ZNF804B: variants seen among roughly 807,000 people sequenced by gnomAD.
The protein encoded by ZNF804B is zinc finger 804B.
In ZNF804B, 80 loss-of-function variants were observed where a neutral mutation model predicts 101.4. That is an observed-to-expected ratio of 0.79 (90% CI 0.66 to 0.95). The LOEUF (loss-of-function observed/expected upper bound fraction) is 0.95. Among genes scored for constraint, ZNF804B ranks in the 40% least tolerant of loss-of-function variants. The probability of loss-of-function intolerance (pLI) is 0.00; values close to 1 mark genes in which losing one functional copy is unlikely to be tolerated. For synonymous variants in ZNF804B, 622 were observed against 558.8 expected (o/e 1.11, Z -1.59); for missense variants, 1,673 against 1,561.9 (o/e 1.07, Z -1.20).
intron 1 of ZNF804B, among the ~76,000 whole-genome samples, chr7:89,020,498 T>C (rs1788650030): frequency 6.6e-6 from 1 of 152,164 alleles, no homozygotes; most frequent in Admixed American, 6.5e-5. Context: ...ATTATTTGTT[T>C]ATCTTTGACT....
intron 1 of ZNF804B, among the ~76,000 whole-genome samples, chr7:89,051,096 A>C (rs1302838308): frequency 6.6e-6 from 1 of 152,056 alleles, no homozygotes; most frequent in Non-Finnish European, 1.5e-5. Flanking sequence ...CAATGTTTTC[A>C]ACTATTCATT....
intron 1 of ZNF804B, among the ~76,000 whole-genome samples, chr7:89,098,242 A>G (rs1318812017): frequency 2.6e-5 from 4 of 151,608 alleles, no homozygotes; most frequent in African/African-American, 7.3e-5. Flanking sequence ...ATCCTTACAA[A>G]TTCAGTGCAA....
intron 1 of ZNF804B, among the ~76,000 whole-genome samples, chr7:89,155,089 GTA>G (rs1211451766): frequency 6.6e-6 from 1 of 152,048 alleles, no homozygotes; most frequent in African/African-American, 2.4e-5. Flanking sequence ...ATATCTTATT[GTA>G]TGTTTCTTCT....
chr7:88,923,628 AT>A (rs1231339734), intron 1 of ZNF804B, among the ~76,000 whole-genome samples: 5 of 152,094 alleles, frequency 3.3e-5, no homozygotes, highest in Non-Finnish European at 7.4e-5. Context: ...TTTAGTGCAA[AT>A]GTCTCTCAAA....
intron 2 of ZNF804B, among the ~76,000 whole-genome samples, chr7:89,253,922 G>A (rs192376722): frequency 6.6e-6 from 1 of 152,148 alleles, no homozygotes; most frequent in Admixed American, 6.5e-5. Flanking sequence ...TTTAGATGGA[G>A]GGGAAAAATT....
At chr7:88,959,810 A>G (rs1008642043) in intron 1 of ZNF804B, among the ~76,000 whole-genome samples, 4 of 151,466 alleles carry the variant, frequency 2.6e-5, no homozygotes, top group African/African-American at 9.7e-5. Context: ...TTAAAATGTC[A>G]TATTAGCTAC....
intron 1 of ZNF804B, among the ~76,000 whole-genome samples, chr7:88,961,787 A>G (rs1793388759): frequency 6.6e-6 from 1 of 151,388 alleles, no homozygotes; most frequent in South Asian, 2.1e-4. Context: ...TTGCTCAGCA[A>G]TTTACACCAG....
At chr7:89,015,946 C>G (rs1474469666) in intron 1 of ZNF804B, among the ~76,000 whole-genome samples, 1 of 151,824 alleles carries the variant, frequency 6.6e-6, no homozygotes, top group East Asian at 1.9e-4. Context: ...AGTTTACAGT[C>G]CCACCAACAG....
chr7:88,969,495 T>C (rs1357375162), intron 1 of ZNF804B, among the ~76,000 whole-genome samples: 1 of 151,668 alleles, frequency 6.6e-6, no homozygotes, highest in African/African-American at 2.4e-5. Flanking sequence ...ACAGCATGCT[T>C]GCCATTAGGC....
intron 1 of ZNF804B, among the ~76,000 whole-genome samples, chr7:89,120,657 CAAAA>C (rs10636811): frequency 1.9e-5 from 2 of 103,326 alleles, no homozygotes; most frequent in Admixed American, 1.1e-4. Context: ...GACTCCGCCT[CAAAA>C]AAAAAAAAAA....
At chr7:88,896,045 A>C (rs577394854) in intron 1 of ZNF804B, among the ~76,000 whole-genome samples, 1 of 152,258 alleles carries the variant, frequency 6.6e-6, no homozygotes, top group South Asian at 2.1e-4. Context: ...GAGAGATAGT[A>C]ATTGTACGTT....
chr7:89,231,166 A>G (rs1010319436), intron 2 of ZNF804B, among the ~76,000 whole-genome samples: 1 of 151,968 alleles, frequency 6.6e-6, no homozygotes, highest in South Asian at 2.1e-4. Flanking sequence ...TTTTTTTCTT[A>G]TAGATATCCA....
intron 2 of ZNF804B, among the ~76,000 whole-genome samples, chr7:89,321,337 G>A (rs1165147242): frequency 6.6e-6 from 1 of 152,050 alleles, no homozygotes; most frequent in Non-Finnish European, 1.5e-5. Context: ...AAATTAGCCA[G>A]GCGTGGTGGC....
At chr7:89,008,356 A>T (rs1788401048) in intron 1 of ZNF804B, among the ~76,000 whole-genome samples, 1 of 152,184 alleles carries the variant, frequency 6.6e-6, no homozygotes, top group Non-Finnish European at 1.5e-5. Context: ...AAAACAGACT[A>T]TCCTCAGTAT....
intron 1 of ZNF804B, among the ~76,000 whole-genome samples, chr7:88,947,287 C>T (rs780013510): frequency 9.9e-5 from 15 of 151,886 alleles, no homozygotes; most frequent in African/African-American, 7.2e-5. Context: ...AGTGATAGAC[C>T]GGATAGAGAA....
intron 1 of ZNF804B, among the ~76,000 whole-genome samples, chr7:88,862,745 A>G (rs554281785): frequency 1.4e-4 from 22 of 152,134 alleles, no homozygotes; most frequent in Non-Finnish European, 2.8e-4. Context: ...GGTGCCAACT[A>G]TGAACCCAGG....
At chr7:88,779,994 A>G (rs1790198473) in intron 1 of ZNF804B, among the ~76,000 whole-genome samples, 1 of 152,204 alleles carries the variant, frequency 6.6e-6, no homozygotes, top group African/African-American at 2.4e-5. Flanking sequence ...GTGGGTCAAA[A>G]TGTAAATATT....
chr7:88,827,842 T>A (rs555427754), intron 1 of ZNF804B, among the ~76,000 whole-genome samples: 17 of 152,100 alleles, frequency 1.1e-4, no homozygotes, highest in Non-Finnish European at 2.1e-4. Context: ...AGTTAATAAG[T>A]CTTGTTGATT....
At chr7:89,261,660 T>G (rs79511587) in intron 2 of ZNF804B, among the ~76,000 whole-genome samples, 1 of 152,332 alleles carries the variant, frequency 6.6e-6, no homozygotes, top group East Asian at 1.9e-4. Flanking sequence ...ATCTATATGG[T>G]ATAGCCTGTT....
Sources: gnomAD v4.1 joint callset for allele counts (sites outside exome capture counted in the v4.1 genomes callset) on GRCh38, gnomAD v4.1.1 for gene constraint, MANE v1.5 for transcripts, NCBI Gene and HGNC (gene_info 2026-07-23, HGNC 2026-07-21) for gene names.